Variants in GALNT17 observed in about 807,000 individuals in gnomAD.
GALNT17 encodes the protein UDP-GalNAc:polypeptide N-acetylgalactosaminyltransferase-like 3.
A neutral mutation model predicts 63.7 loss-of-function variants in GALNT17; 29 were observed. The ratio of observed to expected loss-of-function variants is 0.46; its 90% CI spans 0.34 to 0.62. The LOEUF (loss-of-function observed/expected upper bound fraction) is 0.62, where lower values mean the gene tolerates loss of function less well. Ranked by LOEUF, GALNT17 falls within the 20% of genes least tolerant of loss-of-function variation. The pLI is 0.01. For missense variants in GALNT17, 603 were observed against 799.6 expected, an observed-to-expected ratio of 0.75 and a Z score of 2.97; for synonymous variants, 305 against 318.3, an observed-to-expected ratio of 0.96 and a Z score of 0.45.
At chr7:71,205,819 T>C (rs1290978983) in intron 1 of GALNT17, among the ~76,000 whole-genome samples, 1 of 152,110 alleles carries the variant, frequency 6.6e-6, no homozygotes, top group African/African-American at 2.4e-5. Context: ...ACATGACTCT[T>C]TCATTGAGTT....
At chr7:71,586,203 A>G (rs1789715177) in intron 6 of GALNT17, among the ~76,000 whole-genome samples, 1 of 152,144 alleles carries the variant, frequency 6.6e-6, no homozygotes, top group Non-Finnish European at 1.5e-5. Context: ...CACCGCACCC[A>G]GCCCTGATTT....
intron 1 of GALNT17, among the ~76,000 whole-genome samples, chr7:71,198,774 T>A (rs1789105021): frequency 6.6e-6 from 1 of 152,228 alleles, no homozygotes; most frequent in Non-Finnish European, 1.5e-5. Context: ...CTCTATGTTT[T>A]CTTATAAAGA....
In GALNT17 at chr7:71,155,395, G is replaced by A. The variant is rs141519158; in HGVS notation, c.238+22355G>A. On this transcript the variant is annotated intron_variant, in intron 1 of 10. Coordinates refer to ENST00000333538, the MANE Select transcript of GALNT17 (RefSeq NM_022479.3). ...CTCAAGCAATTCTTGTGCCTTAGCC[G>A]CCACAGTAGCTGGGACCACGGATGT... Among the ~76,000 whole-genome samples the A allele has an allele frequency of 7.4e-4, 112 of 151,530 alleles. 2 individuals are homozygous for A. Among genetic ancestry groups the A allele is most frequent in the African/African-American group, 2.4e-3 (97 of 41,046 alleles).
intron 3 of GALNT17, among the ~76,000 whole-genome samples, chr7:71,390,592 C>G (rs1340687361): frequency 6.6e-6 from 1 of 152,174 alleles, no homozygotes; most frequent in African/African-American, 2.4e-5. Context: ...CCTTGACATG[C>G]CCACGGCTCT....
At chr7:71,243,653 T>C (rs1159448912) in intron 1 of GALNT17, among the ~76,000 whole-genome samples, 1 of 152,120 alleles carries the variant, frequency 6.6e-6, no homozygotes, top group Admixed American at 6.6e-5. Flanking sequence ...GACCCCCCCA[T>C]CTTGGCCTCC....
chr7:71,369,656 T>C (rs1476317575), intron 2 of GALNT17, among the ~76,000 whole-genome samples: 1 of 151,738 alleles, frequency 6.6e-6, no homozygotes, highest in Middle Eastern at 3.4e-3. Flanking sequence ...CTACTAAAAA[T>C]ACAACAGTTA....
chr7:71,449,871 A>G (rs12540477), intron 5 of GALNT17, among the ~76,000 whole-genome samples: 64,477 of 151,300 alleles, frequency 0.43, 15,588 homozygotes, highest in African/African-American at 0.64. Context: ...GAGAAACCCC[A>G]TCTCTACTAA....
At chr7:71,665,705 G>T in intron 7 of GALNT17, 109 bp downstream of exon 7, 1 of 1,257,918 alleles carries the variant, frequency 7.9e-7, no homozygotes, top group Non-Finnish European at 1.1e-6. Flanking sequence ...CTCATGCTTA[G>T]AAAAATTATG....
intron 2 of GALNT17, among the ~76,000 whole-genome samples, chr7:71,342,676 G>T (rs1293809181): frequency 1.3e-5 from 2 of 152,190 alleles, no homozygotes; most frequent in African/African-American, 4.8e-5. Context: ...ATTATTGGAA[G>T]AAGGAGGAGG....
At chr7:71,203,510 G>A (rs1031366346) in intron 1 of GALNT17, among the ~76,000 whole-genome samples, 3 of 152,060 alleles carry the variant, frequency 2.0e-5, no homozygotes, top group Non-Finnish European at 4.4e-5. Flanking sequence ...TTGCTCTTGA[G>A]CTGTTCAAGT....
intron 1 of GALNT17, among the ~76,000 whole-genome samples, chr7:71,151,142 C>G (rs1788125624): frequency 6.6e-6 from 1 of 152,106 alleles, no homozygotes. Flanking sequence ...TATTTATGGA[C>G]TAATTCAGTT....
rs567286517 is a variant in GALNT17, at chr7:71,428,041, C to A, written c.962+6936C>A. Among the ~76,000 whole-genome samples, 4 of 152,262 alleles carry A rather than the reference C, an allele frequency of 2.6e-5. No homozygotes were observed. The South Asian group carries it at 8.3e-4, about 32-fold the overall frequency. On this transcript the variant is annotated intron_variant, in intron 5 of 10. Transcript: ENST00000333538. ...GCTGAAAAGGTTGGGGACTGCTGAT[C>A]TAGAGCATCCCTTTTGGTTTTGTTT...
chr7:71,483,898 G>A (rs1055225499), intron 5 of GALNT17, among the ~76,000 whole-genome samples: 3 of 151,604 alleles, frequency 2.0e-5, no homozygotes, highest in Non-Finnish European at 4.4e-5. Flanking sequence ...CCCTAAAAAC[G>A]AAGACACGAA....
chr7:71,416,646 T>C (rs1793531367), intron 4 of GALNT17, among the ~76,000 whole-genome samples: 1 of 152,060 alleles, frequency 6.6e-6, no homozygotes, highest in Admixed American at 6.6e-5. Flanking sequence ...GGTGTATCAA[T>C]TAGATAAAAC....
intron 1 of GALNT17, among the ~76,000 whole-genome samples, chr7:71,215,176 C>A (rs775469090): frequency 1.3e-5 from 2 of 152,138 alleles, no homozygotes; most frequent in Non-Finnish European, 2.9e-5. Context: ...CTGTTTGAAT[C>A]TTGTAGTTGT....
chr7:71,690,740 G>A (rs537604447), intron 9 of GALNT17, among the ~76,000 whole-genome samples: 1 of 152,280 alleles, frequency 6.6e-6, no homozygotes, highest in Admixed American at 6.5e-5. Flanking sequence ...ATGACTTTGA[G>A]GGTTTCAAGG....
chr7:71,286,860 G>A (rs1184151748), intron 1 of GALNT17, among the ~76,000 whole-genome samples: 1 of 150,822 alleles, frequency 6.6e-6, no homozygotes, highest in African/African-American at 2.4e-5. Context: ...GTGCGATCAT[G>A]GGTTGCCAAA....
intron 8 of GALNT17, among the ~76,000 whole-genome samples, chr7:71,676,938 T>C (rs1343413903): frequency 2.0e-5 from 3 of 152,118 alleles, no homozygotes; most frequent in Admixed American, 1.3e-4. Flanking sequence ...TTCCCTGAGA[T>C]TGCCTTTCAT....
chr7:71,543,937 C>T (rs933614249), intron 5 of GALNT17, among the ~76,000 whole-genome samples: 1 of 151,290 alleles, frequency 6.6e-6, no homozygotes, highest in Non-Finnish European at 1.5e-5. Flanking sequence ...GGATTACAGG[C>T]GCATGCCACT....
Sources: allele counts gnomAD v4.1 joint callset (sites outside exome capture counted in the v4.1 genomes callset), GRCh38; gene constraint gnomAD v4.1.1; transcripts MANE v1.5; gene names NCBI Gene and HGNC (gene_info 2026-07-23, HGNC 2026-07-21).